Variants in ABCC3 observed in about 807,000 individuals in gnomAD.
ABCC3 encodes ATP-binding cassette sub-family C member 3.
Under a neutral mutation model 165.3 loss-of-function variants are expected in ABCC3, and 121 were observed. That is an observed-to-expected ratio of 0.73 (90% CI 0.63 to 0.85). ABCC3 has a LOEUF of 0.85. Among genes scored for constraint, ABCC3 ranks in the 40% least tolerant of loss-of-function variants. The pLI, the probability that ABCC3 is intolerant of heterozygous loss-of-function variation, is 0.00. For missense variants in ABCC3, 1,869 were observed against 1,964.1 expected (o/e 0.95, Z 0.92); for synonymous variants, 733 against 810.1 (o/e 0.90, Z 1.62).
At chr17:50,689,299 G>T (rs1303967170) in intron 30 of ABCC3, among the ~76,000 whole-genome samples, 1 of 152,238 alleles carries the variant, frequency 6.6e-6, no homozygotes, top group Non-Finnish European at 1.5e-5. Context: ...CAAGGATGAG[G>T]GGAGGGGCCA....
At chr17:50,647,426 G>A (rs1277112646) in intron 1 of ABCC3, among the ~76,000 whole-genome samples, 1 of 152,222 alleles carries the variant, frequency 6.6e-6, no homozygotes, top group Non-Finnish European at 1.5e-5. Flanking sequence ...TGAGGTGGCT[G>A]CAGACAGATG....
At position 50,687,588 on chromosome 17, in the gene ABCC3, C is replaced by T. The variant is rs547523159; in HGVS notation, c.4333C>T (p.Arg1445Cys). 3.2e-5 allele frequency: 51 copies of T among 1,614,218 alleles called. No homozygotes were observed. Among genetic ancestry groups the T allele is most frequent in the East Asian group, 8.9e-5 (4 of 44,886 alleles). ...CLARALLRKS[R>C]ILVLDEATAA... The stretch of plus-strand genomic sequence containing the variant: ...GGCCCGAGCCCTGCTCCGCAAGAGC[C>T]GCATCCTGGTTTTAGACGAGGCCAC... Residue 1445 changes from arginine to cysteine, a missense_variant, in exon 30 of 31, where the codon CGC becomes TGC. By Grantham distance (180) the Arg-to-Cys change is radical. Transcript: ENST00000285238.
At chr17:50,669,813 T>C (rs146767134) in intron 17 of ABCC3, among the ~76,000 whole-genome samples, 244 of 151,796 alleles carry the variant, frequency 1.6e-3, no homozygotes, top group African/African-American at 5.6e-3. Context: ...TCTTTCTTTC[T>C]GAGATAAGGC....
intron 1 of ABCC3, among the ~76,000 whole-genome samples, chr17:50,649,001 A>G (rs1967058388): frequency 6.6e-6 from 1 of 151,682 alleles, no homozygotes; most frequent in South Asian, 2.1e-4. Flanking sequence ...AATCCCAGCT[A>G]CTCGGGAGGC....
In ABCC3 at chr17:50,667,748, C is replaced by T. The variant is rs749635299; in HGVS notation, c.1626C>T (p.Ser542=). Reference sequence around the variant, plus strand: ...CAACCACCTTCACCTGGATGTGCAGCCCCTTCCTGGTGAGGCTTGGCACAG... The same window carrying T: ...CAACCACCTTCACCTGGATGTGCAGTCCCTTCCTGGTGAGGCTTGGCACAG... The part of the protein sequence containing the change: ...HTTTTFTWMC[S]PFLVTLITLW... Residue 542 remains serine (S), a synonymous_variant, in exon 12 of 31, where the codon AGC becomes AGT. Coordinates refer to ENST00000285238, the MANE Select transcript of ABCC3 (RefSeq NM_003786.4). 6.2e-7 allele frequency: 1 copy of T among 1,614,072 alleles called. No individual in the cohort carries two copies. The highest frequency in any genetic ancestry group is 1.7e-5 in the Admixed American group (1 of 60,022).
intron 1 of ABCC3, among the ~76,000 whole-genome samples, chr17:50,638,955 A>C (rs60300548): frequency 0.052 from 7,908 of 152,202 alleles, 718 homozygotes; most frequent in African/African-American, 0.18. Flanking sequence ...GCTATGCATG[A>C]TTAGGGCCCT....
intron 30 of ABCC3, 68 bp from the exon 31 acceptor site, chr17:50,691,024 G>A: frequency 7.9e-7 from 1 of 1,264,928 alleles, no homozygotes; most frequent in Non-Finnish European, 1.1e-6. Flanking sequence ...ACCCAGAAGA[G>A]CAGGATTAGA....
Position 50,687,676 on chromosome 17 carries a change from C to A in ABCC3, c.4421C>A (p.Thr1474Asn). The A allele has an allele frequency of 6.2e-7, 1 of 1,614,248 alleles. No individual in the cohort carries two copies. Among genetic ancestry groups the A allele is most frequent in the Non-Finnish European group, 8.5e-7 (1 of 1,180,040 alleles). ...GCTACCATCCGCACCCAGTTTGATA[C>A]CTGCACTGTCCTGACCATCGCACAC... ...IQATIRTQFD[T>N]CTVLTIAHRL... Residue 1474 changes from threonine (T) to asparagine (N), a missense_variant, in exon 30 of 31, where the codon ACC becomes AAC. Physicochemically the swap from Thr to Asn is moderately conservative, Grantham distance 65 (BLOSUM62 0). Coordinates refer to ENST00000285238, the MANE Select transcript of ABCC3 (RefSeq NM_003786.4).
In ABCC3 at chr17:50,658,103, C is replaced by G; in HGVS notation, c.508C>G (p.Arg170Gly). The part of the protein sequence containing the change: ...KAEGEISDPF[R>G]FTTFYIHFAL... ...CCAGGGTGAGATCTCAGACCCCTTCCGCTTCACCACCTTCTACATCCACTT... is the reference window on the plus strand; with the variant it reads ...CCAGGGTGAGATCTCAGACCCCTTCGGCTTCACCACCTTCTACATCCACTT... Residue 170 changes from arginine to glycine, a missense_variant, in exon 5 of 31, where the codon CGC becomes GGC. Physicochemically the swap from Arg to Gly is moderately radical, Grantham distance 125. Transcript: ENST00000285238. 6.2e-7 allele frequency: 1 copy of G among 1,614,216 alleles called. No individual in the cohort carries two copies. The highest frequency in any genetic ancestry group is 1.3e-5 in the African/African-American group (1 of 75,048).
chr17:50,683,415 T>C (rs1419496704), intron 26 of ABCC3, among the ~76,000 whole-genome samples, 195 bp from the exon 27 acceptor site: 1 of 146,106 alleles, frequency 6.8e-6, no homozygotes, highest in African/African-American at 2.6e-5. Flanking sequence ...CAGGGGAGTG[T>C]TGGAGTAGGT....
chr17:50,667,489 A>T, intron 11 of ABCC3, 65 bp from the exon 12 acceptor site: 3 of 1,410,334 alleles, frequency 2.1e-6, no homozygotes, highest in Non-Finnish European at 2.0e-6. Context: ...GGAAGGTAGG[A>T]CCCTGTGAGC....
At position 50,667,739 on chromosome 17, in the gene ABCC3, G is replaced by T. The variant is rs1268350369; in HGVS notation, c.1617G>T (p.Trp539Cys). The change falls in exon 12 of 31, where the codon TGG becomes TGT. Residue 539 changes from tryptophan to cysteine, a missense_variant. Coordinates refer to ENST00000285238, the MANE Select transcript of ABCC3 (RefSeq NM_003786.4). ...TCCACACCACAACCACCTTCACCTG[G>T]ATGTGCAGCCCCTTCCTGGTGAGGC... The part of the protein sequence containing the change: ...AYLHTTTTFT[W>C]MCSPFLVTLI... 1.2e-6 allele frequency: 2 copies of T among 1,613,982 alleles called. No individual in the cohort carries two copies. Among genetic ancestry groups the T allele is most frequent in the African/African-American group, 2.7e-5 (2 of 74,920 alleles).
At chr17:50,670,521 G>A (rs1023307183) in intron 17 of ABCC3, among the ~76,000 whole-genome samples, 8 of 152,238 alleles carry the variant, frequency 5.3e-5, no homozygotes, top group East Asian at 1.9e-4. Flanking sequence ...CTAAAATGCC[G>A]GGCTAATATC....
Position 50,640,686 on chromosome 17 carries a change from T to A in ABCC3, c.45+5705T>A, listed in dbSNP as rs187572422. On this transcript the variant is annotated intron_variant, in intron 1 of 30. Coordinates refer to ENST00000285238, the MANE Select transcript of ABCC3 (RefSeq NM_003786.4). Reference sequence around the variant, plus strand: ...GGCATGCGCCACCATGCCTAGATAATTTTTTTAAATATTTTTAGTAGAGAC... The same window carrying A: ...GGCATGCGCCACCATGCCTAGATAAATTTTTTAAATATTTTTAGTAGAGAC... 4.1e-3 allele frequency among the ~76,000 whole-genome samples: 620 copies of A among 152,240 alleles called. 1 individual carries two copies. Among genetic ancestry groups the A allele is most frequent in the Middle Eastern group, 6.8e-3 (2 of 294 alleles).
intron 1 of ABCC3, among the ~76,000 whole-genome samples, chr17:50,645,650 G>C (rs1421534006): frequency 1.3e-5 from 2 of 152,100 alleles, no homozygotes; most frequent in Non-Finnish European, 1.5e-5. Context: ...GCTCAGGCTA[G>C]AGTGGAGTGG....
chr17:50,641,976 G>A lies in ABCC3; in HGVS notation c.45+6995G>A, dbSNP rs577552671. Among the ~76,000 whole-genome samples, 19 of 151,354 alleles carry A rather than the reference G, an allele frequency of 1.3e-4. 1 individual carries two copies. In the South Asian group the frequency reaches 3.5e-3, roughly 28 times the overall value. ...GCAGGAGGATCGCTTGAGCCCAAGA[G>A]GTCAAGATTACAGTGGGGAAAAAAA... On this transcript the variant is annotated intron_variant, in intron 1 of 30. Coordinates refer to ENST00000285238, the MANE Select transcript of ABCC3 (RefSeq NM_003786.4).
intron 1 of ABCC3, among the ~76,000 whole-genome samples, chr17:50,644,981 G>A (rs1291164933): frequency 2.6e-5 from 4 of 152,186 alleles, no homozygotes; most frequent in African/African-American, 9.7e-5. Context: ...TCACGCCACT[G>A]CACTCCAGCC....
At chr17:50,656,292 G>C (rs1413466827) in intron 2 of ABCC3, among the ~76,000 whole-genome samples, 1 of 152,072 alleles carries the variant, frequency 6.6e-6, no homozygotes, top group East Asian at 1.9e-4. Context: ...TGCCATTTTG[G>C]CAGGCTGGTC....
chr17:50,663,902 CT>C, intron 9 of ABCC3, 44 bp downstream of exon 9: 1 of 1,614,186 alleles, frequency 6.2e-7, no homozygotes, highest in Non-Finnish European at 8.5e-7. Context: ...CCCTGGGCAG[CT>C]TGCAAGAGGC....
Sources: gnomAD v4.1 joint callset for allele counts (sites outside exome capture counted in the v4.1 genomes callset) on GRCh38, gnomAD v4.1.1 for gene constraint, MANE v1.5 for transcripts, NCBI Gene and HGNC (gene_info 2026-07-23, HGNC 2026-07-21) for gene names.